The following BBX variants were observed in gnomAD, a reference collection of about 807,000 sequenced individuals.
BBX encodes HMG box transcription factor BBX.
Under a neutral mutation model 100.2 loss-of-function variants are expected in BBX, and 30 were observed. That is an observed-to-expected ratio of 0.30 (90% CI 0.22 to 0.41). The LOEUF is 0.41. Ranked by LOEUF, BBX falls within the 10% of genes least tolerant of loss-of-function variation. The probability of loss-of-function intolerance (pLI) is 1.00; values close to 1 mark genes in which losing one functional copy is unlikely to be tolerated. For missense variants in BBX, 1,023 were observed against 1,129.8 expected, an observed-to-expected ratio of 0.91 and a Z score of 1.35; for synonymous variants, 376 against 388.1, an observed-to-expected ratio of 0.97 and a Z score of 0.37.
intron 4 of BBX, 99 bp from the exon 5 acceptor site, chr3:107,716,508 G>A: frequency 7.1e-7 from 1 of 1,410,686 alleles, no homozygotes; most frequent in South Asian, 1.4e-5. Flanking sequence ...TGTTTAAATG[G>A]AGCTAAGAAA....
At chr3:107,600,857 C>T (rs2054012319) in intron 2 of BBX, among the ~76,000 whole-genome samples, 1 of 152,036 alleles carries the variant, frequency 6.6e-6, no homozygotes, top group Non-Finnish European at 1.5e-5. Context: ...TCCTGACTGT[C>T]CATGTGTACC....
At chr3:107,553,873 A>T (rs2049884428) in intron 2 of BBX, among the ~76,000 whole-genome samples, 1 of 151,832 alleles carries the variant, frequency 6.6e-6, no homozygotes, top group South Asian at 2.1e-4. Context: ...CTGAGTACTT[A>T]TTTTCTAGAT....
rs746514194 is a variant in BBX, at chr3:107,808,204, C to A, written c.*2747C>A. 2.0e-5 allele frequency: 3 copies of A among 152,176 alleles called. No homozygotes were observed. The highest frequency in any genetic ancestry group is 4.4e-5 in the Non-Finnish European group (3 of 68,036). The allele number at this position is 152,176 out of a possible 1,614,324, so 9.4% of individuals were successfully genotyped here. A position where few individuals can be genotyped will look rare whatever the true frequency, so the allele number is the denominator to read the frequency against. On this transcript the variant is annotated 3_prime_UTR_variant, in exon 18 of 18. Transcript: ENST00000325805. ...AATCTGCCAGCAGATACCATCTACA[C>A]TAACATTTGTCCCACAGCATCCTCA...
chr3:107,576,600 G>A (rs1476650110), intron 2 of BBX, among the ~76,000 whole-genome samples: 1 of 152,100 alleles, frequency 6.6e-6, no homozygotes, highest in East Asian at 1.9e-4. Flanking sequence ...AGAACTAAGA[G>A]CAGTGAGACA....
At chr3:107,715,262 A>G (rs771853788) in intron 4 of BBX, among the ~76,000 whole-genome samples, 3 of 152,136 alleles carry the variant, frequency 2.0e-5, no homozygotes, top group Middle Eastern at 3.2e-3. Context: ...TAGAGATACA[A>G]ATTCTCAGGA....
intron 2 of BBX, among the ~76,000 whole-genome samples, chr3:107,570,278 G>A (rs1011873576): frequency 1.3e-5 from 2 of 152,176 alleles, no homozygotes; most frequent in Non-Finnish European, 2.9e-5. Flanking sequence ...ACACCTTGAA[G>A]GTGAGGTTAA....
rs1220684602 is a variant in BBX, at chr3:107,732,898, CTG to C, written c.602-55_602-54del. ...GTCTTTATGAGTATTCTTTTTGACT[CTG>C]TGGATTGTATGTACTTTATGCTTAT... On this transcript the variant is annotated intron_variant, in intron 6 of 17. Coordinates refer to ENST00000325805, the MANE Select transcript of BBX (RefSeq NM_001142568.3). 3.3e-5 allele frequency: 45 copies of C among 1,377,042 alleles called. No individual in the cohort carries two copies. The East Asian group carries it at 9.6e-4, about 29-fold the overall frequency. The allele number at this position is 1,377,042 out of a possible 1,614,324, so 85.3% of individuals were successfully genotyped here.
chr3:107,671,166 G>A (rs1359914044), intron 3 of BBX, among the ~76,000 whole-genome samples: 1 of 151,614 alleles, frequency 6.6e-6, no homozygotes, highest in African/African-American at 2.4e-5. Flanking sequence ...CAAACAAGAA[G>A]CAGCTGTCTT....
At chr3:107,681,493 G>A (rs538129219) in intron 3 of BBX, among the ~76,000 whole-genome samples, 1 of 152,152 alleles carries the variant, frequency 6.6e-6, no homozygotes, top group Admixed American at 6.6e-5. Flanking sequence ...CCACAGTCTG[G>A]GAGTGGGTGT....
chr3:107,798,462 A>G (rs1009282469), intron 15 of BBX, 61 bp from the exon 16 acceptor site: 29 of 1,498,068 alleles, frequency 1.9e-5, no homozygotes, highest in Non-Finnish European at 2.7e-5. Flanking sequence ...GTTTCCTTCT[A>G]AGAGCAATTT....
intron 8 of BBX, among the ~76,000 whole-genome samples, chr3:107,746,300 A>C (rs1001814448): frequency 6.6e-6 from 1 of 152,190 alleles, no homozygotes. Flanking sequence ...CTAAGATTAC[A>C]GGAAGATTTC....
chr3:107,583,988 ATAT>A lies in BBX; in HGVS notation c.-84+57597_-84+57599del, dbSNP rs1225119753. ...ATTATATATATTATTATATTATTAT[ATAT>A]TATTATATTATTATATATATTATAC... On this transcript the variant is annotated intron_variant, in intron 2 of 17. Coordinates refer to ENST00000325805, the MANE Select transcript of BBX (RefSeq NM_001142568.3). 1.8e-3 allele frequency among the ~76,000 whole-genome samples: 129 copies of A among 70,126 alleles called. 10 individuals are homozygous for A. The highest frequency in any genetic ancestry group is 7.6e-3 in the African/African-American group (122 of 15,956). 46.0% of individuals were successfully genotyped at this position (70,126 alleles called of 152,430 possible).
chr3:107,711,062 GTCTTTGT>G (rs1176568440), intron 4 of BBX, among the ~76,000 whole-genome samples: 1 of 152,184 alleles, frequency 6.6e-6, no homozygotes, highest in Non-Finnish European at 1.5e-5. Context: ...CTTGCCCCCA[GTCTTTGT>G]GATGACTCAT....
At chr3:107,743,035 A>G (rs2064245087) in intron 7 of BBX, among the ~76,000 whole-genome samples, 1 of 152,186 alleles carries the variant, frequency 6.6e-6, no homozygotes, top group African/African-American at 2.4e-5. Context: ...ATAAGCATGT[A>G]TGTCATATAG....
intron 2 of BBX, among the ~76,000 whole-genome samples, chr3:107,629,399 G>T (rs1389565758): frequency 6.6e-6 from 1 of 152,264 alleles, no homozygotes; most frequent in Non-Finnish European, 1.5e-5. Flanking sequence ...AATTATGAGA[G>T]AAAGCTGTCC....
chr3:107,647,401 G>A (rs532514574), intron 3 of BBX, among the ~76,000 whole-genome samples: 1 of 152,136 alleles, frequency 6.6e-6, no homozygotes, highest in South Asian at 2.1e-4. Context: ...TCACTAAGTA[G>A]CCATCTGAGC....
At chr3:107,755,968 A>G (rs1317975201) in intron 10 of BBX, among the ~76,000 whole-genome samples, 3 of 152,198 alleles carry the variant, frequency 2.0e-5, no homozygotes, top group Admixed American at 2.0e-4. Flanking sequence ...TGAACACAGA[A>G]GAGTATCTGT....
chr3:107,673,790 A>G (rs188792216), intron 3 of BBX, among the ~76,000 whole-genome samples: 2 of 152,254 alleles, frequency 1.3e-5, no homozygotes, highest in East Asian at 3.9e-4. Context: ...ATGTAGAACT[A>G]TTTTTAAAAT....
chr3:107,524,122 G>C (rs2047570267), intron 1 of BBX: 1 of 152,636 alleles, frequency 6.6e-6, no homozygotes, highest in Middle Eastern at 2.9e-3. Context: ...GTTTAAGGTG[G>C]AGAGAGCGAG....
Sources: allele counts gnomAD v4.1 joint callset (sites outside exome capture counted in the v4.1 genomes callset), GRCh38; gene constraint gnomAD v4.1.1; transcripts MANE v1.5; gene names NCBI Gene and HGNC (gene_info 2026-07-23, HGNC 2026-07-21).